CNTNAP3B: variants seen among roughly 807,000 people sequenced by gnomAD.
CNTNAP3B encodes contactin-associated protein-like 3B.
CNTNAP3B carries 25 observed loss-of-function variants against 108.9 expected under a neutral mutation model. The observed-to-expected ratio is 0.23, with a 90% CI of 0.17 to 0.32. The LOEUF (loss-of-function observed/expected upper bound fraction) is 0.32. CNTNAP3B is among the 10% of genes least tolerant of loss of function. The pLI is 1.00. For missense variants in CNTNAP3B, 252 were observed against 1,210.4 expected, an observed-to-expected ratio of 0.21 and a Z score of 11.75; for synonymous variants, 103 against 473.4, an observed-to-expected ratio of 0.22 and a Z score of 10.16.
At chr9:41,968,449 G>C (rs1379908811) in intron 10 of CNTNAP3B, among the ~76,000 whole-genome samples, 1 of 140,522 alleles carries the variant, frequency 7.1e-6, no homozygotes, top group Non-Finnish European at 1.5e-5. Flanking sequence ...TGTAAATGCA[G>C]TCCCAGCTGT....
At chr9:41,943,942 G>C (rs1409329920) in intron 13 of CNTNAP3B, among the ~76,000 whole-genome samples, 1 of 152,326 alleles carries the variant, frequency 6.6e-6, no homozygotes. Context: ...AAATAAACCA[G>C]AGTAAAATAA....
intron 12 of CNTNAP3B, among the ~76,000 whole-genome samples, chr9:41,956,139 C>T (rs1219474348): frequency 2.0e-5 from 3 of 152,238 alleles, no homozygotes; most frequent in Non-Finnish European, 2.9e-5. Flanking sequence ...GTAATCCCAG[C>T]ACTTTGGGAG....
At chr9:41,961,391 T>G (rs1825086671) in intron 11 of CNTNAP3B, among the ~76,000 whole-genome samples, 1 of 152,308 alleles carries the variant, frequency 6.6e-6, no homozygotes, top group South Asian at 2.1e-4. Flanking sequence ...ACTTTGTGAA[T>G]CTGAATTCTG....
intron 3 of CNTNAP3B, among the ~76,000 whole-genome samples, chr9:42,063,229 GTAATGAAC>G (rs1233997971): frequency 1.6e-5 from 2 of 128,862 alleles, no homozygotes; most frequent in Non-Finnish European, 3.3e-5. Flanking sequence ...ACTTCTGAGA[GTAATGAAC>G]TCTTGACTTT....
At chr9:41,919,125 C>A (rs529897116) in intron 18 of CNTNAP3B, among the ~76,000 whole-genome samples, 6 of 152,088 alleles carry the variant, frequency 3.9e-5, no homozygotes, top group African/African-American at 1.5e-4. Context: ...AAATCAGTCC[C>A]TTTTTCCTTT....
At position 42,063,019 on chromosome 9, in the gene CNTNAP3B, G is replaced by T. The variant is rs1382218413; in HGVS notation, c.390+13850C>A. ...CAGCTTTAACTATTTTTAATAGTTT[G>T]TTTTAACCACTGTAATAAATGTTAC... On this transcript the variant is annotated intron_variant, in intron 3 of 23. Coordinates refer to ENST00000377561, the MANE Select transcript of CNTNAP3B (RefSeq NM_001201380.3). 4.0e-5 allele frequency among the ~76,000 whole-genome samples: 4 copies of T among 99,890 alleles called. 2 individuals are homozygous for T. The highest frequency in any genetic ancestry group is 8.6e-5 in the Non-Finnish European group (4 of 46,740). 65.5% of individuals were successfully genotyped at this position (99,890 alleles called of 152,430 possible).
chr9:42,096,706 T>C (rs28370417), intron 2 of CNTNAP3B, among the ~76,000 whole-genome samples: 22,497 of 87,516 alleles, frequency 0.26, 4,494 homozygotes, highest in East Asian at 0.52. Flanking sequence ...AAGCTCCCAT[T>C]ATGAGTTTCT....
intron 14 of CNTNAP3B, among the ~76,000 whole-genome samples, chr9:41,934,148 CAT>C (rs1258672602): frequency 7.1e-5 from 6 of 84,096 alleles, no homozygotes; most frequent in African/African-American, 1.9e-4. Flanking sequence ...TATACACACA[CAT>C]ATATATACAC....
At chr9:42,098,058 T>C (rs1447788192) in intron 2 of CNTNAP3B, among the ~76,000 whole-genome samples, 1 of 139,070 alleles carries the variant, frequency 7.2e-6, no homozygotes, top group African/African-American at 2.9e-5. Flanking sequence ...TAAGATTTTT[T>C]TCCACAAATA....
chr9:41,922,257 A>G (rs1588040640), intron 17 of CNTNAP3B, among the ~76,000 whole-genome samples: 1 of 124,942 alleles, frequency 8.0e-6, no homozygotes, highest in Admixed American at 7.8e-5. Flanking sequence ...TCAGGTCAAG[A>G]GATCACGACC....
chr9:42,100,341 C>T (rs1243761594), intron 2 of CNTNAP3B, among the ~76,000 whole-genome samples: 2 of 43,866 alleles, frequency 4.6e-5, no homozygotes. Flanking sequence ...CTTATGTTTT[C>T]TCTCTTTAGA....
intron 1 of CNTNAP3B, among the ~76,000 whole-genome samples, chr9:42,113,608 T>G (rs1167677553): frequency 2.1e-5 from 3 of 139,840 alleles, no homozygotes; most frequent in Non-Finnish European, 3.1e-5. Context: ...ATAATTGTTA[T>G]TACAAATGTA....
intron 1 of CNTNAP3B, among the ~76,000 whole-genome samples, chr9:42,126,562 G>C (rs1233814141): frequency 2.2e-5 from 3 of 136,304 alleles, no homozygotes; most frequent in Admixed American, 7.3e-5. Flanking sequence ...CAAATGTTTA[G>C]AGAGCTTTTT....
At chr9:41,936,191 C>T (rs1316159084) in intron 14 of CNTNAP3B, among the ~76,000 whole-genome samples, 5 of 152,426 alleles carry the variant, frequency 3.3e-5, no homozygotes, top group East Asian at 1.9e-4. Flanking sequence ...GCAGGAGAAT[C>T]GCTTGAATCC....
Position 42,080,617 on chromosome 9 carries a change from G to A in CNTNAP3B, c.197-3555C>T, listed in dbSNP as rs1283339623. The stretch of plus-strand genomic sequence containing the variant: ...TTGGCTGACTCCACCCCCAACTAGA[G>A]TGTGGTAATTGTCCAGTCACTCAGC... On this transcript the variant is annotated intron_variant, in intron 2 of 23. Coordinates refer to ENST00000377561, the MANE Select transcript of CNTNAP3B (RefSeq NM_001201380.3). Among the ~76,000 whole-genome samples the A allele has an allele frequency of 7.7e-5, 10 of 130,534 alleles. 2 individuals are homozygous for A. Among genetic ancestry groups the A allele is most frequent in the African/African-American group, 3.1e-4 (10 of 32,252 alleles). The allele number at this position is 130,534 out of a possible 152,430, so 85.6% of individuals were successfully genotyped here.
chr9:42,058,321 A>G (rs1320461929), intron 3 of CNTNAP3B, among the ~76,000 whole-genome samples: 7 of 152,292 alleles, frequency 4.6e-5, no homozygotes, highest in African/African-American at 1.7e-4. Flanking sequence ...ACAAATTTAC[A>G]TTGCCACCAA....
At chr9:42,122,381 A>G (rs2118748239) in intron 1 of CNTNAP3B, among the ~76,000 whole-genome samples, 1 of 136,794 alleles carries the variant, frequency 7.3e-6, no homozygotes, top group African/African-American at 2.9e-5. Context: ...GAGGAACCCA[A>G]AACTTTCCTA....
At position 41,993,219 on chromosome 9, in the gene CNTNAP3B, G is replaced by A. The variant is rs1183709148; in HGVS notation, c.1072-1348C>T. On this transcript the variant is annotated intron_variant, in intron 7 of 23. Transcript: ENST00000377561. Reference sequence around the variant, plus strand: ...ATCTCTGGAGGTGGAGCCAGGTAAAGGTATCTTTTGAATCTCCTCTGGTGA... The same window carrying A: ...ATCTCTGGAGGTGGAGCCAGGTAAAAGTATCTTTTGAATCTCCTCTGGTGA... 15 of 98,884 alleles carry A rather than the reference G, an allele frequency of 1.5e-4. 2 individuals carry two copies. Among genetic ancestry groups the A allele is most frequent in the Admixed American group, 1.1e-4 (1 of 9,092 alleles). The allele number at this position is 98,884 out of a possible 1,614,324, so 6.1% of individuals were successfully genotyped here. A position where few individuals can be genotyped will look rare whatever the true frequency, so the allele number is the denominator to read the frequency against.
intron 12 of CNTNAP3B, among the ~76,000 whole-genome samples, chr9:41,956,335 G>A (rs1377092513): frequency 5.3e-5 from 8 of 151,980 alleles, no homozygotes; most frequent in Non-Finnish European, 7.4e-5. Context: ...GCAGTGAGCC[G>A]AGATCGTGCC....
Sources: allele counts gnomAD v4.1 joint callset (sites outside exome capture counted in the v4.1 genomes callset), GRCh38; gene constraint gnomAD v4.1.1; transcripts MANE v1.5; gene names NCBI Gene and HGNC (gene_info 2026-07-23, HGNC 2026-07-21).